NOX5: variants seen among roughly 807,000 people sequenced by gnomAD.
The protein encoded by NOX5 is NADPH oxidase, EF-hand calcium binding domain 5.
NOX5 carries 76 observed loss-of-function variants against 85.7 expected under a neutral mutation model. That is an observed-to-expected ratio of 0.89 (90% CI 0.74 to 1.07). NOX5 has a LOEUF of 1.07. Ranked by LOEUF, NOX5 falls within the 50% of genes least tolerant of loss-of-function variation. The pLI, the probability that NOX5 is intolerant of heterozygous loss-of-function variation, is 0.00. For synonymous variants in NOX5, 405 were observed against 401.4 expected (o/e 1.01, Z -0.11); for missense variants, 973 against 999.5 (o/e 0.97, Z 0.36).
rs554786183 is a variant in NOX5, at chr15:69,043,257, C to T, written c.1647+452C>T. 3.9e-5 allele frequency among the ~76,000 whole-genome samples: 6 copies of T among 152,278 alleles called. No individual in the cohort carries two copies. In the South Asian group the frequency reaches 1.2e-3, roughly 32 times the overall value. ...TAGGCAGCCTGGTCCAGGTGGGCCC[C>T]TCATCATCATCATCACCATCAGCAA... On this transcript the variant is annotated intron_variant, in intron 10 of 15. Coordinates refer to ENST00000388866, the MANE Select transcript of NOX5 (RefSeq NM_024505.4).
rs1486300019 is a variant in NOX5, at chr15:69,055,403, TG to T, written c.2070del (p.Gln691ArgfsTer59). The T allele has an allele frequency of 6.8e-6, 11 of 1,614,072 alleles. No homozygotes were observed. Among genetic ancestry groups the T allele is most frequent in the Non-Finnish European group, 9.3e-6 (11 of 1,180,028 alleles). ...AAGAATGACATGAAGGCCATTGGCCTGCAGATGGCCCTTGACCTCCTGGCCA... is the reference window on the plus strand; with the variant it reads ...AAGAATGACATGAAGGCCATTGGCCTCAGATGGCCCTTGACCTCCTGGCCA... ...LGKNDMKAIG[L>X]QMALDLLANK... On this transcript the variant is annotated frameshift_variant, in exon 15 of 16. Transcript: ENST00000388866. LOFTEE classifies it high-confidence loss of function.
chr15:69,046,762 T>C (rs759550916), intron 10 of NOX5, 60 bp from the exon 11 acceptor site: 13 of 1,532,108 alleles, frequency 8.5e-6, no homozygotes, highest in Non-Finnish European at 1.2e-5. Context: ...AAGAAACTTC[T>C]AAGAAATCCC....
intron 3 of NOX5, chr15:69,029,681 C>CCT (rs566833064): frequency 7.0e-6 from 1 of 142,906 alleles, no homozygotes; most frequent in African/African-American, 2.6e-5. Context: ...TAATTTTCTG[C>CCT]TTTTTTTTTT....
rs751190593 is a variant in NOX5 at position 69,031,634 on chromosome 15, A to G, written c.442A>G (p.Thr148Ala). 2.5e-6 allele frequency: 4 copies of G among 1,613,392 alleles called. No individual in the cohort carries two copies. In the Admixed American group the frequency reaches 6.7e-5, roughly 27 times the overall value. The stretch of plus-strand genomic sequence containing the variant: ...CTCCATTGACCCGGATGAGCTGCGC[A>G]CTGTGCTGCAGTCGTGTCTGCGCGA... ...SGSIDPDELR[T>A]VLQSCLRESA... The change falls in exon 4 of 16, where the codon ACT becomes GCT. Residue 148 changes from threonine to alanine, a missense_variant. Physicochemically the swap from Thr to Ala is moderately conservative, Grantham distance 58. Coordinates refer to ENST00000388866, the MANE Select transcript of NOX5 (RefSeq NM_024505.4).
At position 69,059,035 on chromosome 15, in the gene NOX5, G is replaced by A. The variant is rs1329907467; in HGVS notation, c.*2339G>A. 1 of 152,180 alleles carries A rather than the reference G, an allele frequency of 6.6e-6. No individual in the cohort carries two copies. The highest frequency in any genetic ancestry group is 1.5e-5 in the Non-Finnish European group (1 of 68,056). The allele number at this position is 152,180 out of a possible 1,614,324, so 9.4% of individuals were successfully genotyped here. ...CTGTCTACACCGCCTTAACACATTT[G>A]AGCCCTGCCCTCAGTCCTTTGCCCT... On this transcript the variant is annotated 3_prime_UTR_variant, in exon 16 of 16. Transcript: ENST00000388866.
At chr15:69,048,229 GTT>G (rs2050701156) in intron 13 of NOX5, among the ~76,000 whole-genome samples, 1 of 152,216 alleles carries the variant, frequency 6.6e-6, no homozygotes, top group Non-Finnish European at 1.5e-5. Context: ...CCCTATGGTG[GTT>G]TTAAGAATGA....
intron 10 of NOX5, among the ~76,000 whole-genome samples, chr15:69,044,474 G>A (rs1014345566): frequency 2.0e-5 from 3 of 152,154 alleles, no homozygotes; most frequent in Non-Finnish European, 2.9e-5. Flanking sequence ...AGAGAGGGTG[G>A]TTGTTCTCAA....
In NOX5 at chr15:69,039,074, A is replaced by G. The variant is rs2050559674; in HGVS notation, c.1504+85A>G. Reference sequence around the variant, plus strand: ...AGTACAGGCTGGAAACTCGGAACACAGCACTGAACAAGGCCAGAAACACAA... The same window carrying G: ...AGTACAGGCTGGAAACTCGGAACACGGCACTGAACAAGGCCAGAAACACAA... On this transcript the variant is annotated intron_variant, in intron 9 of 15. Coordinates refer to ENST00000388866, the MANE Select transcript of NOX5 (RefSeq NM_024505.4). 6 of 1,457,776 alleles carry G rather than the reference A, an allele frequency of 4.1e-6. No individual in the cohort carries two copies. In the East Asian group the frequency reaches 6.8e-5, roughly 17 times the overall value. The allele number at this position is 1,457,776 out of a possible 1,614,324, so 90.3% of individuals were successfully genotyped here.
chr15:69,042,610 C>T (rs1016400763), intron 9 of NOX5, 53 bp from the exon 10 acceptor site: 3 of 1,575,818 alleles, frequency 1.9e-6, no homozygotes, highest in Middle Eastern at 2.3e-4. Flanking sequence ...GGCTTGCTCC[C>T]TGGTGCCGGT....
At position 69,062,386 on chromosome 15, in the gene NOX5, CCTT is replaced by C. The variant is rs2050878175; in HGVS notation, c.*5694_*5696del. 1 of 152,150 alleles carries C rather than the reference CCTT, an allele frequency of 6.6e-6. No individual in the cohort carries two copies. Among genetic ancestry groups the C allele is most frequent in the African/African-American group, 2.4e-5 (1 of 41,432 alleles). 9.4% of individuals were successfully genotyped at this position (152,150 alleles called of 1,614,324 possible). A position where few individuals can be genotyped will look rare whatever the true frequency, so the allele number is the denominator to read the frequency against. On this transcript the variant is annotated 3_prime_UTR_variant, in exon 16 of 16. Transcript: ENST00000388866. ...ACACTGCTGTGGGTCTGACTGCACA[CCTT>C]CTTTTTGGAGGACTCTCCTATTATA...
intron 1 of NOX5, among the ~76,000 whole-genome samples, chr15:69,019,934 A>C (rs2050277711): frequency 6.6e-6 from 1 of 152,238 alleles, no homozygotes; most frequent in Non-Finnish European, 1.5e-5. Context: ...CAAAAGATAT[A>C]ATTGTTATAA....
rs746066960 is a variant in NOX5, at chr15:69,056,649, G to C, written c.2251G>C (p.Gly751Arg). The C allele has an allele frequency of 1.2e-6, 2 of 1,613,792 alleles. No homozygotes were observed. Among genetic ancestry groups the C allele is most frequent in the East Asian group, 2.2e-5 (1 of 44,882 alleles). Residue 751 changes from glycine to arginine, a missense_variant, in exon 16 of 16, where the codon GGC (glycine) becomes CGC (arginine). Gly to Arg is a moderately radical substitution (Grantham distance 125). Transcript: ENST00000388866. The stretch of plus-strand genomic sequence containing the variant: ...CCCAGCTCTGGCCAAGGTGCTGAAG[G>C]GCCATTGTGAGAAGTTCGGCTTCAG... ...GSPALAKVLKGHCEKFGFRFF... is the reference protein window; with the variant it reads ...GSPALAKVLKRHCEKFGFRFF...
At chr15:69,051,619 C>A (rs904230818) in intron 14 of NOX5, among the ~76,000 whole-genome samples, 6 of 152,114 alleles carry the variant, frequency 3.9e-5, no homozygotes, top group African/African-American at 1.4e-4. Flanking sequence ...AAGTGATCTA[C>A]CAGCTTTGGC....
chr15:69,020,650 T>C (rs1281045132), intron 1 of NOX5, among the ~76,000 whole-genome samples: 1 of 151,570 alleles, frequency 6.6e-6, no homozygotes, highest in Non-Finnish European at 1.5e-5. Context: ...AGATATCAAT[T>C]TTTATATGCA....
chr15:69,054,014 G>A (rs1464263353), intron 14 of NOX5, among the ~76,000 whole-genome samples: 3 of 152,174 alleles, frequency 2.0e-5, no homozygotes, highest in Non-Finnish European at 4.4e-5. Flanking sequence ...GGAAACAATA[G>A]AGAGCAGGTT....
intron 11 of NOX5, chr15:69,047,164 A>G: frequency 1.7e-6 from 1 of 575,882 alleles, no homozygotes; most frequent in Non-Finnish European, 3.0e-6. Context: ...CACACACCCC[A>G]GGGATGCGAA....
intron 14 of NOX5, among the ~76,000 whole-genome samples, chr15:69,053,345 A>G (rs761120946): frequency 6.6e-6 from 1 of 152,232 alleles, no homozygotes; most frequent in Non-Finnish European, 1.5e-5. Flanking sequence ...TCTGCAGAAC[A>G]CATAGAACAG....
At chr15:69,021,707 C>T (rs2050297405) in intron 1 of NOX5, among the ~76,000 whole-genome samples, 1 of 152,186 alleles carries the variant, frequency 6.6e-6, no homozygotes, top group African/African-American at 2.4e-5. Flanking sequence ...ATCCACCAAA[C>T]ATTTGCACAC....
chr15:69,048,480 C>T (rs1373056585), intron 13 of NOX5, among the ~76,000 whole-genome samples: 6 of 152,068 alleles, frequency 3.9e-5, no homozygotes, highest in African/African-American at 1.4e-4. Context: ...TTGCAGTGAG[C>T]TAAGACCACA....
Sources: allele counts gnomAD v4.1 joint callset (sites outside exome capture counted in the v4.1 genomes callset), GRCh38; gene constraint gnomAD v4.1.1; transcripts MANE v1.5; gene names NCBI Gene and HGNC (gene_info 2026-07-23, HGNC 2026-07-21).